Variants in CDC42BPB observed in about 807,000 individuals in gnomAD.
CDC42BPB encodes serine/threonine-protein kinase MRCK beta.
CDC42BPB carries 37 observed loss-of-function variants against 214.9 expected under a neutral mutation model. That is an observed-to-expected ratio of 0.17 (90% CI 0.13 to 0.23). The LOEUF is 0.23. Among genes scored for constraint, CDC42BPB ranks in the 10% least tolerant of loss-of-function variants. The probability of loss-of-function intolerance (pLI) is 1.00; values close to 1 mark genes in which losing one functional copy is unlikely to be tolerated. For synonymous variants in CDC42BPB, 931 were observed against 884.0 expected (o/e 1.05, Z -0.94); for missense variants, 1,694 against 2,227.0 (o/e 0.76, Z 4.82).
At chr14:102,970,550 T>C (rs374802520) in intron 13 of CDC42BPB, 11 of 181,060 alleles carry the variant, frequency 6.1e-5, no homozygotes, top group African/African-American at 2.6e-4. Flanking sequence ...TGAAAACCAG[T>C]ACTTTTGATA....
rs537891716 is a variant in CDC42BPB, at chr14:102,979,279, T to C, written c.1141-1074A>G. On this transcript the variant is annotated intron_variant, in intron 8 of 36. Transcript: ENST00000361246. ...CCCAGGCCGGAGTGCAGTGGCGTATTCTCAGGCACTGCAACTTCCACCTCT... is the reference window on the plus strand; with the variant it reads ...CCCAGGCCGGAGTGCAGTGGCGTATCCTCAGGCACTGCAACTTCCACCTCT... Among the ~76,000 whole-genome samples the C allele has an allele frequency of 4.6e-5, 7 of 151,928 alleles. No individual in the cohort carries two copies. The South Asian group carries it at 1.5e-3, about 32-fold the overall frequency.
Position 102,959,715 on chromosome 14 carries a change from A to T in CDC42BPB, c.2822-5T>A. The T allele has an allele frequency of 6.2e-7, 1 of 1,609,476 alleles. No individual in the cohort carries two copies. The highest frequency in any genetic ancestry group is 8.5e-7 in the Non-Finnish European group (1 of 1,178,136). ...GAAAATCTGGAAGTTTGAGCCCTGC[A>T]AAAAGAAACAAAGAATAGTCAAGGC... On this transcript the variant is annotated splice_polypyrimidine_tract_variant and splice_region_variant and intron_variant, in intron 20 of 36. Transcript: ENST00000361246.
chr14:102,987,085 A>G (rs1894277759), intron 5 of CDC42BPB, among the ~76,000 whole-genome samples: 1 of 152,240 alleles, frequency 6.6e-6, no homozygotes, highest in Non-Finnish European at 1.5e-5. Flanking sequence ...GGGCTGCCAC[A>G]CAAAGAGACG....
intron 28 of CDC42BPB, among the ~76,000 whole-genome samples, chr14:102,946,193 A>ATT (rs59078830): frequency 2.1e-5 from 3 of 145,270 alleles, no homozygotes; most frequent in African/African-American, 7.6e-5. Flanking sequence ...TTTTATTTTT[A>ATT]TTTTTTTTTT....
chr14:103,007,434 T>C (rs1380516580), intron 3 of CDC42BPB, among the ~76,000 whole-genome samples: 3 of 152,178 alleles, frequency 2.0e-5, no homozygotes, highest in Admixed American at 6.5e-5. Flanking sequence ...GCAACCATCA[T>C]GGGCAGCACA....
At chr14:102,978,877 C>T (rs1413692190) in intron 8 of CDC42BPB, among the ~76,000 whole-genome samples, 7 of 152,070 alleles carry the variant, frequency 4.6e-5, no homozygotes, top group Non-Finnish European at 7.3e-5. Flanking sequence ...TGTGGCAGCA[C>T]GTGCCTGTAA....
rs556525712 is a variant in CDC42BPB at position 103,002,396 on chromosome 14, A to G, written c.447+1532T>C. Among the ~76,000 whole-genome samples the G allele has an allele frequency of 3.0e-4, 46 of 152,344 alleles. 1 individual carries two copies. The highest frequency in any genetic ancestry group is 2.2e-3 in the Admixed American group (33 of 15,312). ...CAGGGGCTCCTAACTGACGTGTGTT[A>G]ACTTAGAATAAACCTGGCAACACCT... On this transcript the variant is annotated intron_variant, in intron 4 of 36. Transcript: ENST00000361246.
chr14:102,966,654 G>A (rs750268590), intron 17 of CDC42BPB: 15 of 289,718 alleles, frequency 5.2e-5, no homozygotes, highest in African/African-American at 6.8e-5. Flanking sequence ...TACCTACTAC[G>A]CACCCACAAA....
At chr14:102,948,994 C>T (rs1176816105) in intron 26 of CDC42BPB, among the ~76,000 whole-genome samples, 1 of 152,100 alleles carries the variant, frequency 6.6e-6, no homozygotes, top group Non-Finnish European at 1.5e-5. Flanking sequence ...CAGCCCTGCC[C>T]CCAAGAACCA....
chr14:102,970,991 A>G (rs1451621091), intron 13 of CDC42BPB, among the ~76,000 whole-genome samples: 1 of 152,182 alleles, frequency 6.6e-6, no homozygotes, highest in East Asian at 1.9e-4. Flanking sequence ...CAATATGTCA[A>G]CCATTCACAG....
intron 5 of CDC42BPB, among the ~76,000 whole-genome samples, chr14:102,991,354 C>T (rs1293492166): frequency 6.6e-6 from 1 of 152,196 alleles, no homozygotes. Flanking sequence ...ACTGTATTCG[C>T]CAAACACATC....
chr14:103,028,049 G>A (rs1887148390), intron 1 of CDC42BPB, among the ~76,000 whole-genome samples: 1 of 152,222 alleles, frequency 6.6e-6, no homozygotes, highest in Non-Finnish European at 1.5e-5. Flanking sequence ...AGAATTGCTT[G>A]AACCTGGGAG....
At position 102,943,018 on chromosome 14, in the gene CDC42BPB, G is replaced by A. The variant is rs972806952; in HGVS notation, c.4408+873C>T. Reference sequence around the variant, plus strand: ...TGAGTAGCTGGGACTACAGGCGCCCGCCACCACGCCCGGCTAATTTTTTTT... The same window carrying A: ...TGAGTAGCTGGGACTACAGGCGCCCACCACCACGCCCGGCTAATTTTTTTT... On this transcript the variant is annotated intron_variant, in intron 30 of 36. Coordinates refer to ENST00000361246, the MANE Select transcript of CDC42BPB (RefSeq NM_006035.4). This position sits in a 1 kb window ranked among gnomAD's most constrained non-coding sequence, Gnocchi z 4.6. Among the ~76,000 whole-genome samples, 10 of 152,158 alleles carry A rather than the reference G, an allele frequency of 6.6e-5. No individual in the cohort carries two copies. Among genetic ancestry groups the A allele is most frequent in the South Asian group, 2.1e-4 (1 of 4,828 alleles).
chr14:102,950,729 G>A (rs1892450525), intron 24 of CDC42BPB, 127 bp from the exon 25 acceptor site: 1 of 1,363,844 alleles, frequency 7.3e-7, no homozygotes, highest in South Asian at 1.8e-5. Flanking sequence ...ACTTTCGGAG[G>A]CCGAGGTGGG....
At chr14:102,962,758 C>A (rs887341840) in intron 20 of CDC42BPB, among the ~76,000 whole-genome samples, 1 of 152,034 alleles carries the variant, frequency 6.6e-6, no homozygotes. Context: ...GAGGCTGAGG[C>A]GGGAGAATCC....
intron 24 of CDC42BPB, among the ~76,000 whole-genome samples, chr14:102,951,807 AG>A (rs1306925871): frequency 2.0e-5 from 3 of 152,230 alleles, no homozygotes; most frequent in Non-Finnish European, 4.4e-5. Flanking sequence ...ATAGAAAAAA[AG>A]AAAAAAAATA....
At chr14:102,945,873 G>A (rs1226983468) in intron 28 of CDC42BPB, 149 bp from the exon 29 acceptor site, 10 of 673,190 alleles carry the variant, frequency 1.5e-5, no homozygotes, top group Admixed American at 8.8e-5. Flanking sequence ...CTTCAGTATC[G>A]GGGGTGACTT....
intron 25 of CDC42BPB, 139 bp from the exon 26 acceptor site, chr14:102,950,043 G>A: frequency 6.7e-7 from 1 of 1,482,784 alleles, no homozygotes; most frequent in East Asian, 2.4e-5. Context: ...TGCCCAAGAA[G>A]GCTCAAGGCG....
intron 1 of CDC42BPB, among the ~76,000 whole-genome samples, chr14:103,014,165 CAAAAA>C (rs1171233966): frequency 4.1e-5 from 1 of 24,560 alleles, no homozygotes. Flanking sequence ...GACTCCGTCT[CAAAAA>C]AAAAAAAAAA....
Sources: allele counts gnomAD v4.1 joint callset (sites outside exome capture counted in the v4.1 genomes callset), GRCh38; gene constraint gnomAD v4.1.1; non-coding constraint Gnocchi (gnomAD v3.1); transcripts MANE v1.5; gene names NCBI Gene and HGNC (gene_info 2026-07-23, HGNC 2026-07-21).